Variants in SCN3A observed in about 807,000 individuals in gnomAD.
SCN3A encodes sodium channel protein type 3 subunit alpha.
A neutral mutation model predicts 187.6 loss-of-function variants in SCN3A; 60 were observed. That is an observed-to-expected ratio of 0.32 (90% CI 0.26 to 0.40). The LOEUF (loss-of-function observed/expected upper bound fraction) is 0.40, where lower values mean the gene tolerates loss of function less well. Among genes scored for constraint, SCN3A ranks in the 10% least tolerant of loss-of-function variants. SCN3A has a pLI of 1.00. For missense variants in SCN3A, 1,601 were observed against 2,428.2 expected (o/e 0.66, Z 7.16); for synonymous variants, 788 against 829.2 (o/e 0.95, Z 0.85).
intron 18 of SCN3A, among the ~76,000 whole-genome samples, chr2:165,126,903 A>C (rs1687025539): frequency 6.6e-6 from 1 of 152,242 alleles, no homozygotes; most frequent in African/African-American, 2.4e-5. Context: ...ATCATAGTGA[A>C]TAAGACTTTC....
Position 165,127,592 on chromosome 2 carries a change from T to A in SCN3A, c.3393+39A>T, listed in dbSNP as rs745399205. On this transcript the variant is annotated intron_variant, in intron 18 of 27. Coordinates refer to ENST00000283254, the MANE Select transcript of SCN3A (RefSeq NM_006922.4). ...AGTAAATAACTGTAGTACATGGTTA[T>A]CATAGGAAATGGAACAAAAAATTTA... The A allele has an allele frequency of 5.4e-6, 8 of 1,490,156 alleles. No individual in the cohort carries two copies. The East Asian group carries it at 1.6e-4, about 29-fold the overall frequency. The allele number at this position is 1,490,156 out of a possible 1,614,324, so 92.3% of individuals were successfully genotyped here.
chr2:165,162,876 A>G (rs761984423), intron 7 of SCN3A, 48 bp from the exon 8 acceptor site: 3 of 1,602,534 alleles, frequency 1.9e-6, no homozygotes, highest in Non-Finnish European at 2.6e-6. Flanking sequence ...GCCAGAAATC[A>G]TGATTTCTTA....
At chr2:165,122,239 C>CTTTTTTTTTTTTTTT (rs1286913407) in intron 18 of SCN3A, among the ~76,000 whole-genome samples, 1 of 128,916 alleles carries the variant, frequency 7.8e-6, no homozygotes, top group African/African-American at 2.9e-5. Context: ...TCTTTTTTTT[C>CTTTTTTTTTTTTTTT]TTTTTTTTTT....
At chr2:165,201,666 AC>A (rs1692329127) in intron 1 of SCN3A, among the ~76,000 whole-genome samples, 2 of 152,140 alleles carry the variant, frequency 1.3e-5, no homozygotes, top group East Asian at 3.9e-4. Flanking sequence ...ATAAAATGTA[AC>A]CTGCCAAGCT....
intron 21 of SCN3A, among the ~76,000 whole-genome samples, chr2:165,110,044 CCCT>C (rs1020323388): frequency 6.6e-6 from 1 of 152,118 alleles, no homozygotes; most frequent in African/African-American, 2.4e-5. Context: ...CCCTTAGACA[CCCT>C]CCTGGACACT....
rs1188373786 is a variant in SCN3A at position 165,168,739 on chromosome 2, A to G, written c.470T>C (p.Val157Ala). ...CCCAGAAGTTATTCCTACTTACTCT[A>G]CATTCTTTGTCCAGTCAGGAGGGTT... Reference protein sequence around the residue: ...LSNPPDWTKNVEYTFTGIYTF... With the variant: ...LSNPPDWTKNAEYTFTGIYTF... Residue 157 changes from valine to alanine, a missense_variant, in exon 5 of 28, where the codon GTA becomes GCA. By Grantham distance (64) the Val-to-Ala change is moderately conservative (BLOSUM62 0). Around this residue, in one of 11 missense-constraint regions of SCN3A, gnomAD observed 122 missense variants for 225.1 expected, o/e 0.54. Transcript: ENST00000283254. The G allele has an allele frequency of 6.2e-7, 1 of 1,602,102 alleles. No homozygotes were observed. The highest frequency in any genetic ancestry group is 1.7e-5 in the Admixed American group (1 of 59,916).
rs1946892 is a variant in SCN3A at position 165,139,597 on chromosome 2, T to A, written c.2031A>T (p.Thr677=). The A allele has an allele frequency of 0.45, 732,867 of 1,613,204 alleles. 173,086 individuals are homozygous for A. Among genetic ancestry groups the A allele is most frequent in the East Asian group, 0.74 (32,981 of 44,808 alleles). The stretch of plus-strand genomic sequence containing the variant: ...ACCTTCTCTTTCTGACTTCCGTTTC[T>A]GTGGTGGTGCCCTGCAAACCAAATA... ...TGQLPPEGTT[T]ETEVRKRRLS... The change falls in exon 14 of 28, where the codon ACA becomes ACT. Residue 677 remains threonine (T), a synonymous_variant. Coordinates refer to ENST00000283254, the MANE Select transcript of SCN3A (RefSeq NM_006922.4).
rs149921899 is a variant in SCN3A at position 165,123,694 on chromosome 2, C to T, written c.3393+3937G>A. Among the ~76,000 whole-genome samples the T allele has an allele frequency of 6.5e-3, 991 of 152,062 alleles. 18 individuals carry two copies. The highest frequency in any genetic ancestry group is 0.022 in the African/African-American group (894 of 41,472). ...ATGGATATGTTATTTTAAATGTGTT[C>T]GTGTGTGTGATAGCTATTAAAAGGG... On this transcript the variant is annotated intron_variant, in intron 18 of 27. Coordinates refer to ENST00000283254, the MANE Select transcript of SCN3A (RefSeq NM_006922.4).
At chr2:165,174,773 T>C (rs1304093437) in intron 3 of SCN3A, among the ~76,000 whole-genome samples, 1 of 152,224 alleles carries the variant, frequency 6.6e-6, no homozygotes, top group African/African-American at 2.4e-5. Flanking sequence ...AATTCTATAG[T>C]AAATTGTTGA....
chr2:165,200,982 A>G (rs144269890), intron 1 of SCN3A, among the ~76,000 whole-genome samples: 22 of 152,202 alleles, frequency 1.4e-4, no homozygotes, highest in African/African-American at 5.1e-4. Context: ...GACTTTCCTG[A>G]GATTTAGGTT....
At chr2:165,157,227 T>C (rs1689114535) in intron 9 of SCN3A, among the ~76,000 whole-genome samples, 1 of 152,146 alleles carries the variant, frequency 6.6e-6, no homozygotes, top group Non-Finnish European at 1.5e-5. Context: ...TTTTTCTTAA[T>C]GTCCTTTTTT....
chr2:165,189,813 C>T (rs1387074976), intron 1 of SCN3A, among the ~76,000 whole-genome samples: 2 of 152,092 alleles, frequency 1.3e-5, no homozygotes, highest in African/African-American at 4.8e-5. Flanking sequence ...CATTTTGCAT[C>T]TTTACTCTTT....
At chr2:165,196,276 A>G (rs1691944434) in intron 1 of SCN3A, among the ~76,000 whole-genome samples, 1 of 152,038 alleles carries the variant, frequency 6.6e-6, no homozygotes, top group Non-Finnish European at 1.5e-5. Flanking sequence ...CTGGCCTCGA[A>G]CATGATAACT....
intron 3 of SCN3A, among the ~76,000 whole-genome samples, chr2:165,172,909 C>T (rs571853363): frequency 6.6e-6 from 1 of 152,208 alleles, no homozygotes; most frequent in East Asian, 1.9e-4. Flanking sequence ...GAATAAAATA[C>T]TAATGTCCTG....
intron 21 of SCN3A, among the ~76,000 whole-genome samples, chr2:165,109,915 G>A (rs1686037593): frequency 6.6e-6 from 1 of 152,064 alleles, no homozygotes; most frequent in Admixed American, 6.6e-5. Context: ...TCACATACAA[G>A]TACGCCAGTT....
At chr2:165,097,117 C>G in intron 23 of SCN3A, 135 bp downstream of exon 23, 1 of 811,844 alleles carries the variant, frequency 1.2e-6, no homozygotes, top group Non-Finnish European at 1.9e-6. Flanking sequence ...TCAATTCAAG[C>G]TGATATTATA....
At chr2:165,196,480 C>G (rs1469716995) in intron 1 of SCN3A, among the ~76,000 whole-genome samples, 5 of 152,052 alleles carry the variant, frequency 3.3e-5, no homozygotes, top group Non-Finnish European at 7.4e-5. Flanking sequence ...TGATGATCCT[C>G]TAGGGAAAAG....
At chr2:165,151,223 A>C (rs1209439400) in intron 11 of SCN3A, among the ~76,000 whole-genome samples, 1 of 152,184 alleles carries the variant, frequency 6.6e-6, no homozygotes, top group Non-Finnish European at 1.5e-5. Flanking sequence ...CATTACCCCA[A>C]AAAATGCCTT....
At chr2:165,139,759 A>T in intron 13 of SCN3A, 151 bp from the exon 14 acceptor site, 1 of 964,576 alleles carries the variant, frequency 1.0e-6, no homozygotes, top group Non-Finnish European at 1.5e-6. Context: ...AGTTATAAAC[A>T]GTTTTTTTTT....
Sources: gnomAD v4.1 joint callset for allele counts (sites outside exome capture counted in the v4.1 genomes callset) on GRCh38, gnomAD v4.1.1 for gene constraint, gnomAD v4.1.1 regional missense constraint, MANE v1.5 for transcripts, NCBI Gene and HGNC (gene_info 2026-07-23, HGNC 2026-07-21) for gene names.